Variants in LRBA observed in about 807,000 individuals in gnomAD.
LRBA encodes the protein lipopolysaccharide-responsive and beige-like anchor protein.
Under a neutral mutation model 330.0 loss-of-function variants are expected in LRBA, and 176 were observed. The observed-to-expected ratio is 0.53, with a 90% confidence interval of 0.47 to 0.60. The LOEUF is 0.60. Ranked by LOEUF, LRBA falls within the 20% of genes least tolerant of loss-of-function variation. LRBA has a pLI of 0.00. For missense variants in LRBA, 3,259 were observed against 3,444.8 expected (o/e 0.95, Z 1.35); for synonymous variants, 1,230 against 1,193.0 (o/e 1.03, Z -0.64).
At chr4:150,745,628 G>A (rs1732593478) in intron 35 of LRBA, among the ~76,000 whole-genome samples, 4 of 152,060 alleles carry the variant, frequency 2.6e-5, no homozygotes. Flanking sequence ...CAATTCTCCT[G>A]CCTCAGCCTC....
At chr4:151,006,301 G>A (rs951202252) in intron 2 of LRBA, among the ~76,000 whole-genome samples, 2 of 152,062 alleles carry the variant, frequency 1.3e-5, no homozygotes, top group Admixed American at 6.6e-5. Context: ...ACTGCAGTAT[G>A]GGTGACAGAG....
intron 2 of LRBA, among the ~76,000 whole-genome samples, chr4:150,969,028 A>G (rs1739224184): frequency 6.6e-6 from 1 of 152,230 alleles, no homozygotes; most frequent in Non-Finnish European, 1.5e-5. Flanking sequence ...TGTTCACAGC[A>G]CAGTGTACTG....
At chr4:150,942,870 G>T (rs1306187707) in intron 2 of LRBA, among the ~76,000 whole-genome samples, 4 of 151,946 alleles carry the variant, frequency 2.6e-5, no homozygotes, top group African/African-American at 9.7e-5. Flanking sequence ...ATTTAAGTTA[G>T]ATTTTTTTTT....
intron 17 of LRBA, among the ~76,000 whole-genome samples, chr4:150,880,068 T>C (rs115335413): frequency 0.015 from 2,209 of 152,152 alleles, 55 homozygotes; most frequent in African/African-American, 0.049. Flanking sequence ...TGGAACAAAA[T>C]AGAGAACCCA....
At chr4:150,274,765 T>C (rs1746543106) in intron 56 of LRBA, among the ~76,000 whole-genome samples, 2 of 152,128 alleles carry the variant, frequency 1.3e-5, no homozygotes, top group African/African-American at 4.8e-5. Flanking sequence ...AATCCCTGAA[T>C]AGACCAATAA....
chr4:150,458,173 T>C (rs946209553), intron 44 of LRBA, among the ~76,000 whole-genome samples: 1 of 151,936 alleles, frequency 6.6e-6, no homozygotes, highest in Non-Finnish European at 1.5e-5. Context: ...CCAAATCTGC[T>C]ATACAGAGTA....
intron 2 of LRBA, among the ~76,000 whole-genome samples, chr4:150,949,191 C>G (rs1031157328): frequency 6.6e-6 from 1 of 152,014 alleles, no homozygotes; most frequent in Non-Finnish European, 1.5e-5. Context: ...GGAAATCACT[C>G]GGATGTCCTT....
intron 46 of LRBA, among the ~76,000 whole-genome samples, chr4:150,422,473 C>A (rs1748953197): frequency 6.6e-6 from 1 of 152,080 alleles, no homozygotes; most frequent in African/African-American, 2.4e-5. Flanking sequence ...AAAAATCTAA[C>A]CCTATGAAAA....
intron 36 of LRBA, among the ~76,000 whole-genome samples, chr4:150,718,829 C>T (rs951154803): frequency 5.3e-5 from 8 of 151,926 alleles, no homozygotes; most frequent in Non-Finnish European, 7.4e-5. Flanking sequence ...GCAATGTATT[C>T]GAGGATTAGA....
intron 37 of LRBA, among the ~76,000 whole-genome samples, chr4:150,665,898 C>T (rs1781514481): frequency 6.6e-6 from 1 of 152,206 alleles, no homozygotes; most frequent in Non-Finnish European, 1.5e-5. Flanking sequence ...CTATGCCAAA[C>T]TTCCCTCATC....
At chr4:150,480,810 T>C (rs996957170) in intron 42 of LRBA, among the ~76,000 whole-genome samples, 1 of 152,196 alleles carries the variant, frequency 6.6e-6, no homozygotes, top group Non-Finnish European at 1.5e-5. Context: ...ACACCCATTA[T>C]CTAAAACATT....
At chr4:150,551,931 C>A (rs1328588185) in intron 40 of LRBA, among the ~76,000 whole-genome samples, 5 of 152,078 alleles carry the variant, frequency 3.3e-5, no homozygotes, top group Non-Finnish European at 7.3e-5. Context: ...TCGTGGAAGA[C>A]AATTTTTCCA....
intron 46 of LRBA, among the ~76,000 whole-genome samples, chr4:150,421,804 G>A (rs1037885533): frequency 2.0e-5 from 3 of 152,096 alleles, no homozygotes; most frequent in Non-Finnish European, 4.4e-5. Flanking sequence ...TCTGTGTCCA[G>A]CAGGAAGGAC....
At chr4:150,846,967 C>A (rs1278764339) in intron 26 of LRBA, among the ~76,000 whole-genome samples, 3 of 152,192 alleles carry the variant, frequency 2.0e-5, no homozygotes, top group South Asian at 2.1e-4. Flanking sequence ...TATAGCCTTG[C>A]ACTTTTACTT....
intron 2 of LRBA, among the ~76,000 whole-genome samples, chr4:151,008,921 G>C (rs1193079359): frequency 7.8e-6 from 1 of 128,042 alleles, no homozygotes; most frequent in Non-Finnish European, 1.6e-5. Flanking sequence ...AGTGAGCCAA[G>C]ATCACGCCAC....
At chr4:150,840,813 GC>G in intron 28 of LRBA, 2 of 581,832 alleles carry the variant, frequency 3.4e-6, no homozygotes, top group Non-Finnish European at 4.6e-6. Context: ...CCAGTAATCG[GC>G]AACATGCAAT....
intron 36 of LRBA, among the ~76,000 whole-genome samples, chr4:150,711,359 T>G (rs1484671389): frequency 1.3e-5 from 2 of 151,908 alleles, no homozygotes; most frequent in African/African-American, 2.4e-5. Flanking sequence ...CCCCAGCATC[T>G]TGAGTAGCTG....
chr4:150,398,891 T>G (rs1245006939), intron 47 of LRBA, among the ~76,000 whole-genome samples: 1 of 152,154 alleles, frequency 6.6e-6, no homozygotes, highest in Admixed American at 6.6e-5. Flanking sequence ...CCTCCCAGAG[T>G]GCCGGGATTT....
Position 150,915,722 on chromosome 4 carries a change from A to T in LRBA, c.900T>A (p.Tyr300Ter). The change falls in exon 8 of 57, where the codon TAT (tyrosine) becomes TAA (stop). Residue 300 changes from tyrosine (Y) to a stop codon, truncating the protein, a stop_gained. Coordinates refer to ENST00000651943, the MANE Select transcript of LRBA (RefSeq NM_001364905.1). LOFTEE classifies it high-confidence loss of function. ...TATAGATGTGTACTATGGTAACCAT[A>T]TACCACTGCAGAAGCAAAAAACAGT... ...VKFDFKPQKW[Y>*]MVTIVHIYNR... 6.3e-7 allele frequency: 1 copy of T among 1,597,036 alleles called. No homozygotes were observed. The highest frequency in any genetic ancestry group is 1.1e-5 in the South Asian group (1 of 86,996).
Sources: gnomAD v4.1 joint callset for allele counts (sites outside exome capture counted in the v4.1 genomes callset) on GRCh38, gnomAD v4.1.1 for gene constraint, MANE v1.5 for transcripts, NCBI Gene and HGNC (gene_info 2026-07-23, HGNC 2026-07-21) for gene names.